Variants in DENND1A observed in about 807,000 individuals in gnomAD.
DENND1A encodes DENN domain-containing protein 1A.
In DENND1A, 51 loss-of-function variants were observed where a neutral mutation model predicts 113.7. The ratio of observed to expected loss-of-function variants is 0.45; its 90% CI spans 0.36 to 0.57. DENND1A has a LOEUF of 0.57. DENND1A is among the 20% of genes least tolerant of loss of function. DENND1A has a pLI of 0.00. For missense variants in DENND1A, 1,258 were observed against 1,395.9 expected, an observed-to-expected ratio of 0.90 and a Z score of 1.57; for synonymous variants, 565 against 570.8, an observed-to-expected ratio of 0.99 and a Z score of 0.14.
chr9:123,763,174 TTTCAACTGAC>T, intron 4 of DENND1A, among the ~76,000 whole-genome samples: 1 of 152,164 alleles, frequency 6.6e-6, no homozygotes, highest in East Asian at 1.9e-4. Context: ...GCTTCAAATA[TTTCAACTGAC>T]TTATACAGAG....
intron 13 of DENND1A, among the ~76,000 whole-genome samples, chr9:123,501,309 T>G (rs2052461103): frequency 6.6e-6 from 1 of 152,270 alleles, no homozygotes; most frequent in African/African-American, 2.4e-5. Flanking sequence ...TTCCATTATT[T>G]GTATATACCA....
At chr9:123,599,490 G>T (rs182952925) in intron 11 of DENND1A, among the ~76,000 whole-genome samples, 7 of 152,292 alleles carry the variant, frequency 4.6e-5, no homozygotes, top group Admixed American at 1.3e-4. Flanking sequence ...AGCTACCAGA[G>T]GGTGATGGCC....
intron 13 of DENND1A, among the ~76,000 whole-genome samples, chr9:123,502,747 A>G (rs1243216849): frequency 6.6e-6 from 1 of 152,230 alleles, no homozygotes; most frequent in African/African-American, 2.4e-5. Flanking sequence ...CATAGCCAAG[A>G]AGCCATTGCT....
intron 5 of DENND1A, among the ~76,000 whole-genome samples, chr9:123,732,499 C>T (rs528039232): frequency 1.4e-4 from 22 of 152,098 alleles, no homozygotes; most frequent in South Asian, 6.2e-4. Context: ...ACTATAGAGA[C>T]GGAGAAGAGG....
At chr9:123,397,380 C>A (rs1331776871) in intron 21 of DENND1A, among the ~76,000 whole-genome samples, 1 of 152,204 alleles carries the variant, frequency 6.6e-6, no homozygotes, top group Non-Finnish European at 1.5e-5. Flanking sequence ...GTGTCGAACT[C>A]CTGACCTCAA....
At chr9:123,713,206 T>C (rs1443208054) in intron 5 of DENND1A, among the ~76,000 whole-genome samples, 2 of 152,162 alleles carry the variant, frequency 1.3e-5, no homozygotes, top group African/African-American at 2.4e-5. Flanking sequence ...AAAAACTGTT[T>C]AATAAAAAAG....
At chr9:123,782,056 TA>T (rs60503573) in intron 3 of DENND1A, among the ~76,000 whole-genome samples, 2,412 of 152,150 alleles carry the variant, frequency 0.016, 72 homozygotes, top group African/African-American at 0.056. Flanking sequence ...GGTGACTGGG[TA>T]AGACTCTGTC....
intron 5 of DENND1A, among the ~76,000 whole-genome samples, chr9:123,724,561 C>T (rs1461105621): frequency 6.6e-6 from 1 of 151,184 alleles, no homozygotes; most frequent in Non-Finnish European, 1.5e-5. Flanking sequence ...TGAAGAAAAG[C>T]TTGGTTGATT....
At chr9:123,601,675 G>A (rs2059940719) in intron 11 of DENND1A, among the ~76,000 whole-genome samples, 1 of 152,182 alleles carries the variant, frequency 6.6e-6, no homozygotes, top group African/African-American at 2.4e-5. Context: ...TACTAACTAG[G>A]AAAATGAATG....
intron 20 of DENND1A, among the ~76,000 whole-genome samples, chr9:123,407,662 A>G (rs1006733984): frequency 1.3e-5 from 2 of 152,114 alleles, no homozygotes; most frequent in Admixed American, 1.3e-4. Flanking sequence ...GACTGGCCCC[A>G]CCGGTGTGAG....
chr9:123,417,892 G>A (rs141814389), intron 19 of DENND1A, among the ~76,000 whole-genome samples: 1 of 151,908 alleles, frequency 6.6e-6, no homozygotes, highest in Non-Finnish European at 1.5e-5. Flanking sequence ...GATTGGGGGG[G>A]GGGCAGTGGT....
At chr9:123,806,860 T>C (rs924312460) in intron 2 of DENND1A, among the ~76,000 whole-genome samples, 23 of 152,240 alleles carry the variant, frequency 1.5e-4, no homozygotes, top group Admixed American at 5.2e-4. Flanking sequence ...CAAATACCTC[T>C]TTTGGCAACA....
At chr9:123,697,586 G>C (rs1254209376) in intron 5 of DENND1A, among the ~76,000 whole-genome samples, 2 of 152,104 alleles carry the variant, frequency 1.3e-5, no homozygotes, top group Non-Finnish European at 2.9e-5. Context: ...TCATTCTTAT[G>C]CCTTTGCATC....
intron 3 of DENND1A, among the ~76,000 whole-genome samples, chr9:123,788,713 A>T (rs915844843): frequency 1.6e-4 from 25 of 152,110 alleles, no homozygotes; most frequent in Non-Finnish European, 3.2e-4. Context: ...CCTTTAACAA[A>T]ATTTTCCAAT....
chr9:123,759,493 T>C (rs2070858798), intron 4 of DENND1A: 1 of 152,186 alleles, frequency 6.6e-6, no homozygotes, highest in Admixed American at 6.5e-5. Flanking sequence ...GGCACAATAT[T>C]GGCTCACTGC....
At chr9:123,892,872 C>T (rs1191622608) in intron 1 of DENND1A, among the ~76,000 whole-genome samples, 1 of 152,184 alleles carries the variant, frequency 6.6e-6, no homozygotes, top group African/African-American at 2.4e-5. Flanking sequence ...ATCCCAGCTA[C>T]TCAAGTGGCT....
chr9:123,556,099 C>T (rs993106728), intron 13 of DENND1A, among the ~76,000 whole-genome samples: 2 of 152,188 alleles, frequency 1.3e-5, no homozygotes, highest in African/African-American at 2.4e-5. Flanking sequence ...TTGAGACTAG[C>T]AGGACACTAT....
At chr9:123,490,254 C>T (rs2051254398) in intron 13 of DENND1A, among the ~76,000 whole-genome samples, 1 of 152,112 alleles carries the variant, frequency 6.6e-6, no homozygotes, top group African/African-American at 2.4e-5. Context: ...AGTAGAAAAT[C>T]CTGAGCTGTA....
At chr9:123,687,554 C>G (rs951985343) in intron 5 of DENND1A, among the ~76,000 whole-genome samples, 1 of 152,216 alleles carries the variant, frequency 6.6e-6, no homozygotes, top group South Asian at 2.1e-4. Context: ...TTGTTCCAGA[C>G]AGCTGATGTT....
Sources: allele counts gnomAD v4.1 joint callset (sites outside exome capture counted in the v4.1 genomes callset), GRCh38; gene constraint gnomAD v4.1.1; transcripts MANE v1.5; gene names NCBI Gene and HGNC (gene_info 2026-07-23, HGNC 2026-07-21).